The following SPO11 variants were observed in gnomAD, a reference collection of about 807,000 sequenced individuals.
SPO11 encodes the protein SPO11 initiator of meiotic double strand breaks.
SPO11 carries 49 observed loss-of-function variants against 51.6 expected under a neutral mutation model. The observed-to-expected ratio is 0.95, with a 90% CI of 0.75 to 1.20. SPO11 has a LOEUF of 1.20. SPO11 is among the 50% of genes most tolerant of loss of function. The pLI, the probability that SPO11 is intolerant of heterozygous loss-of-function variation, is 0.00. For missense variants in SPO11, 431 were observed against 473.4 expected (o/e 0.91, Z 0.83); for synonymous variants, 176 against 158.2 (o/e 1.11, Z -0.84).
chr20:57,341,121 A>G (rs368530571), intron 11 of SPO11, among the ~76,000 whole-genome samples: 51 of 152,322 alleles, frequency 3.3e-4, no homozygotes, highest in African/African-American at 1.2e-3. Context: ...TCACTTTTCC[A>G]TGTCAATAAA....
intron 11 of SPO11, among the ~76,000 whole-genome samples, chr20:57,341,151 A>G (rs2066576990): frequency 6.6e-6 from 1 of 152,178 alleles, no homozygotes; most frequent in Non-Finnish European, 1.5e-5. Context: ...TTATTTTAGC[A>G]TCTTTTGTTG....
In SPO11 at chr20:57,343,913, T is replaced by G. The variant is rs2066613773; in HGVS notation, c.*453T>G. ...TTTCTTCTTACATTTTCCTTTGCCT[T>G]TATACTTTAGGGGTCTTACTCCATT... On this transcript the variant is annotated 3_prime_UTR_variant, in exon 13 of 13. Coordinates refer to ENST00000371263, the MANE Select transcript of SPO11 (RefSeq NM_012444.3). 1 of 152,808 alleles carries G rather than the reference T, an allele frequency of 6.5e-6. No homozygotes were observed. The allele number at this position is 152,808 out of a possible 1,614,324, so 9.5% of individuals were successfully genotyped here.
intron 1 of SPO11, among the ~76,000 whole-genome samples, chr20:57,330,771 C>G (rs942816519): frequency 1.3e-5 from 2 of 152,120 alleles, no homozygotes; most frequent in Non-Finnish European, 2.9e-5. Flanking sequence ...CCAATTTTTA[C>G]AAAAGAATTT....
intron 4 of SPO11, 67 bp downstream of exon 4, chr20:57,333,820 A>C: frequency 9.3e-7 from 1 of 1,070,656 alleles, no homozygotes; most frequent in Non-Finnish European, 1.4e-6. Context: ...ATTAACTTTT[A>C]TTATATGCTT....
chr20:57,341,880 G>A (rs771240964), intron 11 of SPO11, among the ~76,000 whole-genome samples: 5 of 152,112 alleles, frequency 3.3e-5, no homozygotes, highest in Non-Finnish European at 5.9e-5. Context: ...ATGAATATAC[G>A]ATCAAAGGAA....
chr20:57,332,927 C>G (rs757461292), intron 2 of SPO11, among the ~76,000 whole-genome samples: 2 of 152,150 alleles, frequency 1.3e-5, no homozygotes, highest in African/African-American at 4.8e-5. Context: ...CACAAACACA[C>G]TCCCACACCC....
intron 8 of SPO11, 62 bp downstream of exon 8, chr20:57,335,969 G>C: frequency 1.1e-6 from 1 of 934,930 alleles, no homozygotes; most frequent in Non-Finnish European, 1.7e-6. Flanking sequence ...TGATTGGTAA[G>C]AGGATTTACA....
chr20:57,340,053 G>A (rs2066562027), intron 10 of SPO11, 49 bp from the exon 11 acceptor site: 1 of 1,294,350 alleles, frequency 7.7e-7, no homozygotes, highest in Admixed American at 1.7e-5. Flanking sequence ...AAGAATGCTA[G>A]TTTTCTACAA....
chr20:57,333,261 T>C lies in SPO11; in HGVS notation c.319T>C (p.Ser107Pro). Residue 107 changes from serine (S) to proline (P), a missense_variant, in exon 3 of 13, where the codon TCA becomes CCA. This residue lies in a region of SPO11 where 405 missense variants were observed against 425.9 expected (regional missense o/e 0.95). Coordinates refer to ENST00000371263, the MANE Select transcript of SPO11 (RefSeq NM_012444.3). The stretch of plus-strand genomic sequence containing the variant: ...AAAGATCAAAAGTGATTCACCAAAA[T>C]CAGCTCAAAAATTTTGTAAGTTAAT... ...TRKIKSDSPKSAQKFSLILKI... is the reference protein window; with the variant it reads ...TRKIKSDSPKPAQKFSLILKI... The C allele has an allele frequency of 6.2e-7, 1 of 1,606,638 alleles. No homozygotes were observed. Among genetic ancestry groups the C allele is most frequent in the Non-Finnish European group, 8.5e-7 (1 of 1,178,022 alleles).
chr20:57,338,369 C>A lies in SPO11; in HGVS notation c.838C>A (p.Pro280Thr), dbSNP rs756200828. 1 of 1,602,498 alleles carries A rather than the reference C, an allele frequency of 6.2e-7. No individual in the cohort carries two copies. ...VPVFTLVDAD[P>T]HGIEIMCIYK... is the part of the protein sequence containing the mutation. ...TGTTTTCACTCTTGTAGATGCTGAT[C>A]CACATGGTAATTTATCACTGGACTA... is the stretch of plus-strand genomic sequence containing the variant. The change falls in exon 9 of 13, where the codon CCA (proline) becomes ACA (threonine). Residue 280 changes from proline (P) to threonine (T), a missense_variant. Transcript: ENST00000371263.
Position 57,343,382 on chromosome 20 carries a change from A to C in SPO11, c.1113A>C (p.Gln371His). The change falls in exon 13 of 13, where the codon CAA becomes CAC. Residue 371 changes from glutamine (Q) to histidine (H), a missense_variant. Coordinates refer to ENST00000371263, the MANE Select transcript of SPO11 (RefSeq NM_012444.3). Reference sequence around the variant, plus strand: ...ACTCTAAAATGAAGGCAGAAATTCAAGCTTTGACTTTCCTATCATCAGATT... The same window carrying C: ...ACTCTAAAATGAAGGCAGAAATTCACGCTTTGACTTTCCTATCATCAGATT... Reference protein sequence around the residue: ...MADSKMKAEIQALTFLSSDYL... With the variant: ...MADSKMKAEIHALTFLSSDYL... The C allele has an allele frequency of 6.2e-7, 1 of 1,611,040 alleles. No homozygotes were observed. Among genetic ancestry groups the C allele is most frequent in the South Asian group, 1.1e-5 (1 of 90,478 alleles).
Position 57,338,265 on chromosome 20 carries a change from C to T in SPO11, c.745-11C>T, listed in dbSNP as rs112970460. The T allele has an allele frequency of 9.0e-5, 142 of 1,573,700 alleles. 1 individual carries two copies. The African/African-American group carries it at 1.7e-3, about 19-fold the overall frequency. The stretch of plus-strand genomic sequence containing the variant: ...TGAAGTTAAAATTCTTAATTTTCAT[C>T]TTCCTTTTAGGGAAAGGGAGTTCCT... On this transcript the variant is annotated splice_polypyrimidine_tract_variant and intron_variant, in intron 8 of 12. Transcript: ENST00000371263.
At chr20:57,341,304 C>T (rs1314237851) in intron 11 of SPO11, among the ~76,000 whole-genome samples, 1 of 152,154 alleles carries the variant, frequency 6.6e-6, no homozygotes, top group East Asian at 1.9e-4. Flanking sequence ...CTTAGTTAGT[C>T]CCTTAGGCTG....
chr20:57,334,832 C>A lies in SPO11; in HGVS notation c.593C>A (p.Ala198Glu). The A allele has an allele frequency of 7.4e-6, 12 of 1,612,894 alleles. No homozygotes were observed. The highest frequency in any genetic ancestry group is 1.0e-5 in the Non-Finnish European group (12 of 1,179,224). Residue 198 changes from alanine (A) to glutamate (E), a missense_variant, in exon 6 of 13, where the codon GCA becomes GAA. Physicochemically the swap from Ala to Glu is moderately radical, Grantham distance 107. This residue lies in a region of SPO11 where 405 missense variants were observed against 425.9 expected (regional missense o/e 0.95). Transcript: ENST00000371263. ...ACCAAAGTGAATTGTACCTGTGGTG[C>A]AACGGTAAGAAGCATCATTGAAGTT... Reference protein sequence around the residue: ...DGTKVNCTCGATAVAVPSNIQ... With the variant: ...DGTKVNCTCGETAVAVPSNIQ...
In SPO11 at chr20:57,329,991, G is replaced by A. The variant is rs1188557648; in HGVS notation, c.124G>A (p.Ala42Thr). Reference sequence around the variant, plus strand: ...GCCCCCAACTGGGGGAAGCCGCCTGGCCTCCAGGTACAGGAGCTGGTGCCG... The same window carrying A: ...GCCCCCAACTGGGGGAAGCCGCCTGACCTCCAGGTACAGGAGCTGGTGCCG... ...REPPTGGSRL[A>T]SSSEVLASIE... Residue 42 changes from alanine to threonine, a missense_variant, in exon 1 of 13, where the codon GCC becomes ACC. Physicochemically the swap from Ala to Thr is moderately conservative, Grantham distance 58 (BLOSUM62 0). Around this residue, in one of 3 missense-constraint regions of SPO11, gnomAD observed 405 missense variants for 425.9 expected, o/e 0.95. Coordinates refer to ENST00000371263, the MANE Select transcript of SPO11 (RefSeq NM_012444.3). 12 of 1,598,936 alleles carry A rather than the reference G, an allele frequency of 7.5e-6. No individual in the cohort carries two copies. Among genetic ancestry groups the A allele is most frequent in the Non-Finnish European group, 1.0e-5 (12 of 1,174,656 alleles).
At chr20:57,334,445 C>T (rs28368080) in intron 5 of SPO11, among the ~76,000 whole-genome samples, 6,006 of 152,238 alleles carry the variant, frequency 0.039, 173 homozygotes, top group African/African-American at 0.088. Context: ...TAAGCCACCG[C>T]GCCCAGACAA....
intron 8 of SPO11, among the ~76,000 whole-genome samples, 156 bp downstream of exon 8, chr20:57,336,063 C>G (rs6099553): frequency 0.41 from 61,604 of 151,874 alleles, 13,032 homozygotes; most frequent in African/African-American, 0.53. Flanking sequence ...TTTATTTAAA[C>G]ATCCTCAAAG....
chr20:57,331,774 C>A, intron 1 of SPO11, 59 bp from the exon 2 acceptor site: 1 of 929,054 alleles, frequency 1.1e-6, no homozygotes, highest in South Asian at 2.3e-5. Context: ...GAAAATCTTA[C>A]ATATTAAAAA....
At chr20:57,334,680 C>A in intron 5 of SPO11, 70 bp from the exon 6 acceptor site, 1 of 1,240,454 alleles carries the variant, frequency 8.1e-7, no homozygotes, top group Non-Finnish European at 1.2e-6. Context: ...CAGATGAACA[C>A]AAGGAGTGAC....
Sources: allele counts gnomAD v4.1 joint callset (sites outside exome capture counted in the v4.1 genomes callset), GRCh38; gene constraint gnomAD v4.1.1; regional missense constraint gnomAD v4.1.1; transcripts MANE v1.5; gene names NCBI Gene and HGNC (gene_info 2026-07-23, HGNC 2026-07-21).